DOCK7: variants seen among roughly 807,000 people sequenced by gnomAD.
DOCK7 encodes the protein dedicator of cytokinesis protein 7.
Under a neutral mutation model 271.0 loss-of-function variants are expected in DOCK7, and 138 were observed. The observed-to-expected ratio is 0.51, with a 90% confidence interval of 0.44 to 0.59. The LOEUF (loss-of-function observed/expected upper bound fraction) is 0.59, where lower values mean the gene tolerates loss of function less well. Among genes scored for constraint, DOCK7 ranks in the 20% least tolerant of loss-of-function variants. DOCK7 has a pLI of 0.00. For synonymous variants in DOCK7, 823 were observed against 876.1 expected (o/e 0.94, Z 1.07); for missense variants, 2,066 against 2,592.4 (o/e 0.80, Z 4.41).
In DOCK7 at chr1:62,594,734, C is replaced by T. The variant is rs993346523; in HGVS notation, c.1683-8110G>A. The stretch of plus-strand genomic sequence containing the variant: ...AATATTGTTTCTACAATGTGTAAGG[C>T]ATTACTGTACTAAAGCATTATAAGG... On this transcript the variant is annotated intron_variant, in intron 14 of 49. Transcript: ENST00000635253. Among the ~76,000 whole-genome samples the T allele has an allele frequency of 5.3e-5, 8 of 152,174 alleles. No individual in the cohort carries two copies. In the East Asian group the frequency reaches 1.4e-3, roughly 26 times the overall value.
chr1:62,558,325 AAAACTCAAAT>A (rs1646214548), intron 20 of DOCK7, among the ~76,000 whole-genome samples: 1 of 152,130 alleles, frequency 6.6e-6, no homozygotes, highest in South Asian at 2.1e-4. Flanking sequence ...CTCCCCTAAA[AAAACTCAAAT>A]AATTGAATAC....
intron 4 of DOCK7, among the ~76,000 whole-genome samples, chr1:62,648,832 A>G (rs1656989527): frequency 6.6e-6 from 1 of 152,150 alleles, no homozygotes; most frequent in African/African-American, 2.4e-5. Flanking sequence ...TGGTCAGTAA[A>G]AAGAAAACTT....
At chr1:62,562,121 T>C (rs1646343243) in intron 18 of DOCK7, among the ~76,000 whole-genome samples, 1 of 151,994 alleles carries the variant, frequency 6.6e-6, no homozygotes, top group Non-Finnish European at 1.5e-5. Context: ...AATTCAAATT[T>C]ACAATATCAT....
At chr1:62,651,943 G>A (rs1657432485) in intron 4 of DOCK7, among the ~76,000 whole-genome samples, 1 of 152,088 alleles carries the variant, frequency 6.6e-6, no homozygotes, top group African/African-American at 2.4e-5. Context: ...GTGGTTGCAG[G>A]GAAAGGGCAG....
intron 48 of DOCK7, chr1:62,458,872 T>G (rs1645429638): frequency 1.3e-5 from 2 of 152,142 alleles, no homozygotes; most frequent in African/African-American, 4.8e-5. Context: ...CCAAGTTAAT[T>G]CAAGTATTTG....
chr1:62,480,600 C>T (rs1352444667), intron 43 of DOCK7, among the ~76,000 whole-genome samples: 1 of 152,150 alleles, frequency 6.6e-6, no homozygotes, highest in Non-Finnish European at 1.5e-5. Context: ...AAGGAAGGAA[C>T]ACTGATAGAG....
chr1:62,621,573 T>C (rs1653246469), intron 12 of DOCK7, among the ~76,000 whole-genome samples: 1 of 152,172 alleles, frequency 6.6e-6, no homozygotes, highest in African/African-American at 2.4e-5. Context: ...CATTATATTC[T>C]AAACAAGGAT....
chr1:62,481,221 T>C (rs1263086212), intron 43 of DOCK7, among the ~76,000 whole-genome samples: 2 of 152,004 alleles, frequency 1.3e-5, no homozygotes, highest in Non-Finnish European at 2.9e-5. Flanking sequence ...AGCAGTGTGG[T>C]TGGAGCAGAG....
rs150481475 is a variant in DOCK7, at chr1:62,591,257, C to G, written c.1683-4633G>C. 3.8e-3 allele frequency among the ~76,000 whole-genome samples: 574 copies of G among 152,202 alleles called. 6 individuals carry two copies. The highest frequency in any genetic ancestry group is 0.013 in the African/African-American group (522 of 41,518). On this transcript the variant is annotated intron_variant, in intron 14 of 49. Transcript: ENST00000635253. ...GCAAACTAATGCAGGAAGAGAAAAC[C>G]AAATACTGCATGTTCTCACTTAGAA...
intron 20 of DOCK7, among the ~76,000 whole-genome samples, chr1:62,557,611 C>T (rs964793444): frequency 9.6e-5 from 14 of 145,244 alleles, no homozygotes; most frequent in African/African-American, 3.6e-4. Flanking sequence ...ATTTCTCAAG[C>T]ATACTAGATA....
At chr1:62,518,346 T>C (rs997740941) in intron 31 of DOCK7, among the ~76,000 whole-genome samples, 2 of 151,808 alleles carry the variant, frequency 1.3e-5, no homozygotes, top group Admixed American at 1.3e-4. Flanking sequence ...TTGAGGTGGG[T>C]GGATCACGAG....
chr1:62,456,084 CTT>C (rs1383794363), intron 49 of DOCK7, among the ~76,000 whole-genome samples: 1 of 152,138 alleles, frequency 6.6e-6, no homozygotes, highest in Non-Finnish European at 1.5e-5. Context: ...TATAGTCAAT[CTT>C]TTCCAATGTC....
chr1:62,495,880 A>G (rs992991521), intron 38 of DOCK7, 199 bp from the exon 39 acceptor site: 5 of 449,636 alleles, frequency 1.1e-5, no homozygotes, highest in Admixed American at 4.3e-5. Context: ...TCCTCAGCAG[A>G]CTATGTTTAT....
intron 14 of DOCK7, chr1:62,604,219 T>C: frequency 6.2e-7 from 1 of 1,613,274 alleles, no homozygotes; most frequent in Non-Finnish European, 8.5e-7. Context: ...ACTTCAACTG[T>C]CCAGAGGGTT....
intron 30 of DOCK7, 48 bp from the exon 31 acceptor site, chr1:62,528,353 T>A: frequency 6.6e-7 from 1 of 1,517,258 alleles, no homozygotes; most frequent in Non-Finnish European, 8.9e-7. Context: ...TTAGCTGAAC[T>A]AATTCCCTTT....
chr1:62,665,133 T>C (rs1037532012), intron 1 of DOCK7, among the ~76,000 whole-genome samples: 5 of 152,022 alleles, frequency 3.3e-5, no homozygotes, highest in African/African-American at 1.2e-4. Context: ...ATTACAGGCA[T>C]GCACCACCAC....
At chr1:62,584,566 A>G (rs2149494876) in intron 15 of DOCK7, 1 of 1,195,882 alleles carries the variant, frequency 8.4e-7, no homozygotes, top group South Asian at 2.5e-5. Context: ...CTTTTCACAA[A>G]ATAACTTGTT....
In DOCK7 at chr1:62,535,525, C is replaced by T. The variant is rs1335334875; in HGVS notation, c.3579G>A (p.Glu1193=). The T allele has an allele frequency of 2.5e-6, 4 of 1,613,866 alleles. No homozygotes were observed. The highest frequency in any genetic ancestry group is 1.7e-5 in the Admixed American group (1 of 59,976). ...QHYLAGLVLT[E]LAVILDPDAE... Reference sequence around the variant, plus strand: ...CATCAGGGTCTAAAATGACAGCCAGCTCTGTTAACACAAGTCCTGCCAAAT... The same window carrying T: ...CATCAGGGTCTAAAATGACAGCCAGTTCTGTTAACACAAGTCCTGCCAAAT... Residue 1193 remains glutamate (E), a synonymous_variant, in exon 29 of 50, where the codon GAG becomes GAA. Coordinates refer to ENST00000635253, the MANE Select transcript of DOCK7 (RefSeq NM_001367561.1).
chr1:62,685,751 G>C (rs1011085166), intron 1 of DOCK7, among the ~76,000 whole-genome samples: 2 of 151,966 alleles, frequency 1.3e-5, no homozygotes, highest in African/African-American at 4.8e-5. Flanking sequence ...TTTTCCTCCT[G>C]TACTCCCTTA....
Sources: gnomAD v4.1 joint callset for allele counts (sites outside exome capture counted in the v4.1 genomes callset) on GRCh38, gnomAD v4.1.1 for gene constraint, MANE v1.5 for transcripts, NCBI Gene and HGNC (gene_info 2026-07-23, HGNC 2026-07-21) for gene names.